GRM7: variants seen among roughly 807,000 people sequenced by gnomAD.
The protein encoded by GRM7 is glutamate metabotropic receptor 7, also known as metabotropic glutamate receptor 7.
A neutral mutation model predicts 84.5 loss-of-function variants in GRM7; 35 were observed. The observed-to-expected ratio is 0.41, with a 90% CI of 0.32 to 0.55. The LOEUF is 0.55. Among genes scored for constraint, GRM7 ranks in the 20% least tolerant of loss-of-function variants. The probability of loss-of-function intolerance (pLI) is 0.19; values close to 1 mark genes in which losing one functional copy is unlikely to be tolerated. For missense variants in GRM7, 1,003 were observed against 1,194.6 expected (o/e 0.84, Z 2.36); for synonymous variants, 487 against 455.1 (o/e 1.07, Z -0.89).
intron 7 of GRM7, among the ~76,000 whole-genome samples, chr3:7,535,913 G>A (rs149563889): frequency 8.5e-4 from 129 of 152,278 alleles, no homozygotes; most frequent in African/African-American, 3.0e-3. Context: ...GCAAGAACAA[G>A]TCCAGGGGTC....
chr3:7,739,938 A>C (rs139740612), intron 9 of GRM7, among the ~76,000 whole-genome samples: 4 of 152,318 alleles, frequency 2.6e-5, no homozygotes, highest in Admixed American at 6.5e-5. Flanking sequence ...TCTGCATTCA[A>C]CCTCAACTAA....
intron 2 of GRM7, among the ~76,000 whole-genome samples, chr3:7,156,226 G>A (rs1196581494): frequency 1.3e-5 from 2 of 152,194 alleles, no homozygotes; most frequent in Non-Finnish European, 2.9e-5. Context: ...CTAAGTATGG[G>A]GGGAAAGCCA....
intron 2 of GRM7, among the ~76,000 whole-genome samples, chr3:7,194,233 A>G (rs867905974): frequency 1.3e-5 from 2 of 152,252 alleles, no homozygotes; most frequent in African/African-American, 2.4e-5. Flanking sequence ...CACAGAGTCA[A>G]TCCTTTCTTT....
intron 2 of GRM7, among the ~76,000 whole-genome samples, chr3:7,237,383 G>A (rs1465594522): frequency 6.6e-6 from 1 of 152,122 alleles, no homozygotes; most frequent in Non-Finnish European, 1.5e-5. Flanking sequence ...CATCCCAGAT[G>A]GTAGAAATAA....
intron 1 of GRM7, among the ~76,000 whole-genome samples, chr3:7,112,906 C>T (rs1692908608): frequency 6.6e-6 from 1 of 152,154 alleles, no homozygotes; most frequent in African/African-American, 2.4e-5. Context: ...TGAACAGAAG[C>T]TCCTTCCCTT....
intron 4 of GRM7, among the ~76,000 whole-genome samples, chr3:7,387,520 C>T (rs943856636): frequency 5.3e-5 from 8 of 152,110 alleles, no homozygotes; most frequent in Admixed American, 3.9e-4. Context: ...TATTCACTTT[C>T]CCTTGTACCA....
At chr3:7,229,155 G>T (rs1697079235) in intron 2 of GRM7, among the ~76,000 whole-genome samples, 1 of 152,048 alleles carries the variant, frequency 6.6e-6, no homozygotes, top group Non-Finnish European at 1.5e-5. Flanking sequence ...ATTGAGGGGT[G>T]GGGTGGAGGT....
At chr3:7,297,445 A>G (rs1575134414) in intron 2 of GRM7, among the ~76,000 whole-genome samples, 1 of 152,206 alleles carries the variant, frequency 6.6e-6, no homozygotes, top group Non-Finnish European at 1.5e-5. Flanking sequence ...CTTGAAAAGA[A>G]TAAATGCATT....
At chr3:7,405,858 CAG>C (rs1239647157) in intron 4 of GRM7, among the ~76,000 whole-genome samples, 2 of 152,026 alleles carry the variant, frequency 1.3e-5, no homozygotes, top group Non-Finnish European at 2.9e-5. Context: ...CTAATATCAA[CAG>C]TAGGTTATCA....
At chr3:7,006,204 T>G (rs1462711008) in intron 1 of GRM7, among the ~76,000 whole-genome samples, 1 of 152,220 alleles carries the variant, frequency 6.6e-6, no homozygotes, top group Non-Finnish European at 1.5e-5. Flanking sequence ...GCTGGTCTAC[T>G]TTATATCATA....
At chr3:6,983,942 A>G (rs1275346261) in intron 1 of GRM7, among the ~76,000 whole-genome samples, 2 of 152,212 alleles carry the variant, frequency 1.3e-5, no homozygotes, top group Non-Finnish European at 2.9e-5. Context: ...CCACAAAACA[A>G]TCAAAATAAC....
chr3:7,716,805 C>T (rs1701784217), intron 9 of GRM7, among the ~76,000 whole-genome samples: 1 of 152,188 alleles, frequency 6.6e-6, no homozygotes, highest in Admixed American at 6.5e-5. Flanking sequence ...ATTCCAATAA[C>T]ATTTTGATTA....
chr3:7,614,918 C>T (rs1697014223), intron 8 of GRM7, among the ~76,000 whole-genome samples: 2 of 152,192 alleles, frequency 1.3e-5, no homozygotes, highest in African/African-American at 4.8e-5. Flanking sequence ...CTTTCTGACT[C>T]TCCACATTTC....
intron 1 of GRM7, among the ~76,000 whole-genome samples, chr3:7,112,565 C>G (rs1692895752): frequency 6.6e-6 from 1 of 152,064 alleles, no homozygotes; most frequent in African/African-American, 2.4e-5. Flanking sequence ...TTTTATATCT[C>G]TGACTTTGAG....
intron 4 of GRM7, among the ~76,000 whole-genome samples, chr3:7,335,058 A>C (rs1701351647): frequency 6.6e-6 from 1 of 152,156 alleles, no homozygotes. Context: ...ACTAGAATGA[A>C]TGGACTTAAC....
intron 8 of GRM7, among the ~76,000 whole-genome samples, chr3:7,622,181 G>A (rs766307655): frequency 2.0e-5 from 3 of 152,130 alleles, no homozygotes; most frequent in Non-Finnish European, 4.4e-5. Flanking sequence ...GCCAGGGGTT[G>A]ATAGTAGATG....
At chr3:6,884,814 G>A (rs1270375012) in intron 1 of GRM7, among the ~76,000 whole-genome samples, 1 of 152,018 alleles carries the variant, frequency 6.6e-6, no homozygotes, top group African/African-American at 2.4e-5. Context: ...TATCCAGGCT[G>A]GTCTCAAACT....
At chr3:7,013,361 T>G (rs551203171) in intron 1 of GRM7, among the ~76,000 whole-genome samples, 1 of 152,196 alleles carries the variant, frequency 6.6e-6, no homozygotes, top group East Asian at 1.9e-4. Context: ...AACTCATGGT[T>G]TTTCCTGTCT....
intron 8 of GRM7, among the ~76,000 whole-genome samples, chr3:7,661,705 A>G (rs1168666857): frequency 1.4e-5 from 2 of 140,822 alleles, no homozygotes; most frequent in African/African-American, 5.1e-5. Flanking sequence ...GAGGCAGAAG[A>G]ATGGGGTGAA....
Sources: gnomAD v4.1 joint callset for allele counts (sites outside exome capture counted in the v4.1 genomes callset) on GRCh38, gnomAD v4.1.1 for gene constraint, MANE v1.5 for transcripts, NCBI Gene and HGNC (gene_info 2026-07-23, HGNC 2026-07-21) for gene names.